ZNF30: variants seen among roughly 807,000 people sequenced by gnomAD.
The protein encoded by ZNF30 is zinc finger protein 30 (KOX 28).
ZNF30 carries 15 observed loss-of-function variants against 13.2 expected under a neutral mutation model. That is an observed-to-expected ratio of 1.13 (90% CI 0.76 to 1.75). The LOEUF (loss-of-function observed/expected upper bound fraction) is 1.75. Ranked by LOEUF, ZNF30 falls within the 40% of genes most tolerant of loss-of-function variation. The pLI, the probability that ZNF30 is intolerant of heterozygous loss-of-function variation, is 0.00. For missense variants in ZNF30, 726 were observed against 757.0 expected, an observed-to-expected ratio of 0.96 and a Z score of 0.48; for synonymous variants, 223 against 256.6, an observed-to-expected ratio of 0.87 and a Z score of 1.25.
Position 34,944,702 on chromosome 19 carries a change from T to A in ZNF30, c.1736T>A (p.Leu579His), listed in dbSNP as rs769723234. ...AAGGAATGCGGGAAGGCCTTTAGAC[T>A]TAATTCATTCCTTACTGAACATCAG... ...ECKECGKAFRLNSFLTEHQRV... is the reference protein window; with the variant it reads ...ECKECGKAFRHNSFLTEHQRV... The change falls in exon 5 of 5, where the codon CTT becomes CAT. Residue 579 changes from leucine to histidine, a missense_variant. Physicochemically the swap from Leu to His is moderately conservative, Grantham distance 99. Coordinates refer to ENST00000601142, the MANE Select transcript of ZNF30 (RefSeq NM_194325.3). 17 of 1,612,570 alleles carry A rather than the reference T, an allele frequency of 1.1e-5. No individual in the cohort carries two copies. The South Asian group carries it at 1.8e-4, about 17-fold the overall frequency.
chr19:34,931,668 G>C, intron 2 of ZNF30, among the ~76,000 whole-genome samples, 175 bp from the exon 3 acceptor site: 1 of 152,072 alleles, frequency 6.6e-6, no homozygotes, highest in Non-Finnish European at 1.5e-5. Flanking sequence ...CAATATATAG[G>C]ACATTTTGTC....
rs556554777 is a variant in ZNF30 at position 34,936,184 on chromosome 19, G to A, written c.256+2461G>A. Among the ~76,000 whole-genome samples, 7 of 152,292 alleles carry A rather than the reference G, an allele frequency of 4.6e-5. No homozygotes were observed. In the South Asian group the frequency reaches 1.2e-3, roughly 27 times the overall value. ...CCTATCAACCATCATCCTAGTTTATGTTTTTAGATAATTACTCCAGGTATT... is the reference window on the plus strand; with the variant it reads ...CCTATCAACCATCATCCTAGTTTATATTTTTAGATAATTACTCCAGGTATT... On this transcript the variant is annotated intron_variant, in intron 4 of 4. Transcript: ENST00000601142.
Position 34,944,068 on chromosome 19 carries a change from G to C in ZNF30, c.1102G>C (p.Glu368Gln). The stretch of plus-strand genomic sequence containing the variant: ...TCATGCACATCAGCGAATTCATGCA[G>C]AGATAAAGCCCTACGGATGCAAGGA... ...FLHAHQRIHA[E>Q]IKPYGCKECG... Residue 368 changes from glutamate to glutamine, a missense_variant, in exon 5 of 5, where the codon GAG becomes CAG. Glu to Gln is a conservative substitution (Grantham distance 29). Transcript: ENST00000601142. The C allele has an allele frequency of 6.2e-7, 1 of 1,613,712 alleles. No homozygotes were observed. The highest frequency in any genetic ancestry group is 8.5e-7 in the Non-Finnish European group (1 of 1,179,730).
intron 4 of ZNF30, among the ~76,000 whole-genome samples, chr19:34,940,985 G>A (rs2151673716): frequency 6.6e-6 from 1 of 152,266 alleles, no homozygotes; most frequent in South Asian, 2.1e-4. Context: ...AAAGATTTCA[G>A]AGGTCTTTAG....
chr19:34,929,866 CCT>C lies in ZNF30; in HGVS notation c.-64-13_-64-12del, dbSNP rs1254349206. The C allele has an allele frequency of 1.1e-5, 15 of 1,336,690 alleles. No homozygotes were observed. In the African/African-American group the frequency reaches 2.3e-4, roughly 20 times the overall value. The allele number at this position is 1,336,690 out of a possible 1,614,324, so 82.8% of individuals were successfully genotyped here. A position where few individuals can be genotyped will look rare whatever the true frequency, so the allele number is the denominator to read the frequency against. On this transcript the variant is annotated splice_polypyrimidine_tract_variant and intron_variant, in intron 1 of 4. Transcript: ENST00000601142. ...TGAGAACACTAAAGCCTCCTTTTCT[CCT>C]CTCTGGATTTTCTAGCTTTTGAACT...
In ZNF30 at chr19:34,927,061, G is replaced by A; in HGVS notation, c.-220G>A. The A allele has an allele frequency of 2.5e-6, 1 of 398,516 alleles. No individual in the cohort carries two copies. The highest frequency in any genetic ancestry group is 4.4e-6 in the Non-Finnish European group (1 of 225,988). 24.7% of individuals were successfully genotyped at this position (398,516 alleles called of 1,614,324 possible). ...TCCTCGCCAGTTCATTGTGGTCGTT[G>A]ACCCGGCAGCGAGCTTTGGAGTTCA... On this transcript the variant is annotated 5_prime_UTR_variant, in exon 1 of 5. It removes the in-frame stop codon of an upstream open reading frame in the 5' UTR. Transcript: ENST00000601142.
chr19:34,938,907 G>A (rs1227475617), intron 4 of ZNF30, among the ~76,000 whole-genome samples: 2 of 152,168 alleles, frequency 1.3e-5, no homozygotes, highest in Non-Finnish European at 2.9e-5. Context: ...ACACACACCA[G>A]GTGAGTTGGC....
At position 34,944,022 on chromosome 19, in the gene ZNF30, C is replaced by G. The variant is rs1256787894; in HGVS notation, c.1056C>G (p.Ala352=). 1.2e-6 allele frequency: 2 copies of G among 1,613,726 alleles called. No individual in the cohort carries two copies. The highest frequency in any genetic ancestry group is 8.5e-7 in the Non-Finnish European group (1 of 1,179,924). ...KPFECKECGK[A]FRLSSFLHAH... is the part of the protein sequence containing the mutation. Reference sequence around the variant, plus strand: ...TTGAATGTAAGGAATGTGGAAAGGCCTTTAGACTTAGTTCCTTCCTTCATG... The same window carrying G: ...TTGAATGTAAGGAATGTGGAAAGGCGTTTAGACTTAGTTCCTTCCTTCATG... Residue 352 remains alanine, a synonymous_variant, in exon 5 of 5, where the codon GCC becomes GCG. Coordinates refer to ENST00000601142, the MANE Select transcript of ZNF30 (RefSeq NM_194325.3).
In ZNF30 at chr19:34,929,956, T is replaced by C. The variant is rs1420554676; in HGVS notation, c.9T>C (p.His3=). MA[H]KYVGLQYHGS... ...CTTACAATTCTCAAAGCATGGCCCA[T>C]GTAAGTTGGTGTTTCTTCTTGAAAT... is the stretch of plus-strand genomic sequence containing the variant. The change falls in exon 2 of 5, where the codon CAT becomes CAC. Residue 3 remains histidine, a splice_region_variant and synonymous_variant. Transcript: ENST00000601142. The C allele has an allele frequency of 1.2e-6, 2 of 1,606,584 alleles. No individual in the cohort carries two copies. The highest frequency in any genetic ancestry group is 1.7e-6 in the Non-Finnish European group (2 of 1,176,064).
At chr19:34,933,488 T>G (rs1272383015) in intron 3 of ZNF30, 140 bp from the exon 4 acceptor site, 9 of 548,508 alleles carry the variant, frequency 1.6e-5, no homozygotes, top group Non-Finnish European at 2.6e-5. Flanking sequence ...TCTGGAATTA[T>G]GAATCCCCTT....
In ZNF30 at chr19:34,930,469, AT is replaced by A. The variant is rs563906226; in HGVS notation, c.9+514del. 1.7e-4 allele frequency among the ~76,000 whole-genome samples: 26 copies of A among 152,286 alleles called. No individual in the cohort carries two copies. In the South Asian group the frequency reaches 5.4e-3, roughly 32 times the overall value. On this transcript the variant is annotated intron_variant, in intron 2 of 4. Transcript: ENST00000601142. ...GTTCTTCTTGGGATGCCTGAGAGTG[AT>A]ACTAAGGTCAATTTTGTTATGGAAT... is the stretch of plus-strand genomic sequence containing the variant.
intron 4 of ZNF30, among the ~76,000 whole-genome samples, chr19:34,940,168 G>A (rs754209984): frequency 1.1e-4 from 16 of 152,238 alleles, no homozygotes; most frequent in East Asian, 3.9e-4. Context: ...AGACAGGTTC[G>A]GGGAGGTATG....
At chr19:34,932,918 T>G (rs1045057240) in intron 3 of ZNF30, among the ~76,000 whole-genome samples, 8 of 151,602 alleles carry the variant, frequency 5.3e-5, no homozygotes, top group African/African-American at 1.7e-4. Flanking sequence ...GTAGCTGGGA[T>G]TATAAGCGTA....
chr19:34,933,520 T>C (rs147491514), intron 3 of ZNF30, 108 bp from the exon 4 acceptor site: 5 of 715,846 alleles, frequency 7.0e-6, no homozygotes, highest in Admixed American at 4.6e-5. Context: ...GTCTGAGATA[T>C]AAAGGTCAAT....
intron 1 of ZNF30, among the ~76,000 whole-genome samples, chr19:34,929,409 A>G (rs1600216519): frequency 6.6e-6 from 1 of 152,158 alleles, no homozygotes; most frequent in African/African-American, 2.4e-5. Context: ...TGATACTCCT[A>G]TTACTATTTT....
chr19:34,942,525 C>T (rs1396289429), intron 4 of ZNF30: 14 of 661,438 alleles, frequency 2.1e-5, no homozygotes, highest in Admixed American at 7.4e-5. Flanking sequence ...AAGACATGGA[C>T]GTCCTTAGAC....
chr19:34,939,075 TTA>T (rs2012888893), intron 4 of ZNF30, among the ~76,000 whole-genome samples: 1 of 150,368 alleles, frequency 6.7e-6, no homozygotes, highest in Non-Finnish European at 1.5e-5. Flanking sequence ...CATCAGGTAC[TTA>T]GAGTTCCACT....
chr19:34,944,641 C>T lies in ZNF30; in HGVS notation c.1675C>T (p.Gln559Ter), dbSNP rs183711444. ...FTVYGQLIGH[Q>*]SVHTGEKPFE... ...TGTTTATGGACAACTTATTGGACAT[C>T]AGAGTGTTCACACTGGTGAGAAACC... The change falls in exon 5 of 5, where the codon CAG becomes TAG. Residue 559 changes from glutamine (Q) to a stop codon, truncating the protein, a stop_gained. Coordinates refer to ENST00000601142, the MANE Select transcript of ZNF30 (RefSeq NM_194325.3). LOFTEE classifies it high-confidence loss of function. 1.9e-6 allele frequency: 3 copies of T among 1,614,142 alleles called. No homozygotes were observed. Among genetic ancestry groups the T allele is most frequent in the East Asian group, 2.2e-5 (1 of 44,884 alleles).
chr19:34,941,663 G>A (rs73593668), intron 4 of ZNF30, among the ~76,000 whole-genome samples: 8,803 of 152,248 alleles, frequency 0.058, 756 homozygotes, highest in African/African-American at 0.19. Flanking sequence ...ATGGGCCACA[G>A]TGATCCTAGG....
Sources: allele counts gnomAD v4.1 joint callset (sites outside exome capture counted in the v4.1 genomes callset), GRCh38; gene constraint gnomAD v4.1.1; transcripts MANE v1.5; gene names NCBI Gene and HGNC (gene_info 2026-07-23, HGNC 2026-07-21).